The following RBFOX2 variants were observed in gnomAD, a reference collection of about 807,000 sequenced individuals.
RBFOX2 encodes the protein RNA binding fox-1 homolog 2.
A neutral mutation model predicts 49.1 loss-of-function variants in RBFOX2; 10 were observed. That is an observed-to-expected ratio of 0.20 (90% CI 0.13 to 0.35). RBFOX2 has a LOEUF of 0.35. RBFOX2 is among the 10% of genes least tolerant of loss of function. RBFOX2 has a pLI of 1.00. For missense variants in RBFOX2, 323 were observed against 486.9 expected, an observed-to-expected ratio of 0.66 and a Z score of 3.17; for synonymous variants, 183 against 187.4, an observed-to-expected ratio of 0.98 and a Z score of 0.19.
chr22:35,854,950 TTTTCTTGATATGGTC>T (rs1192908063), intron 1 of RBFOX2, among the ~76,000 whole-genome samples: 1 of 152,150 alleles, frequency 6.6e-6, no homozygotes, highest in African/African-American at 2.4e-5. Flanking sequence ...TTTCTCTCTC[TTTTCTTGATATGGTC>T]TTTCTTCAGA....
At chr22:35,925,971 C>T (rs2051583520) in intron 1 of RBFOX2, among the ~76,000 whole-genome samples, 1 of 152,164 alleles carries the variant, frequency 6.6e-6, no homozygotes, top group African/African-American at 2.4e-5. Flanking sequence ...CTGTTGTATT[C>T]CCCTGTCTCT....
At chr22:35,788,919 T>C (rs756405232) in intron 2 of RBFOX2, among the ~76,000 whole-genome samples, 1 of 152,220 alleles carries the variant, frequency 6.6e-6, no homozygotes, top group Admixed American at 6.5e-5. Context: ...AGCTGTATTA[T>C]TGGATCTTCT....
intron 1 of RBFOX2, among the ~76,000 whole-genome samples, chr22:35,973,549 A>C (rs1308037128): frequency 3.3e-5 from 5 of 152,212 alleles, no homozygotes; most frequent in African/African-American, 7.2e-5. Context: ...AGCAAGTAAA[A>C]GGTTTGAGAT....
exon 12 of RBFOX2, chr22:35,739,280 G>A (rs1272506047): frequency 2.6e-5 from 4 of 152,488 alleles, no homozygotes; most frequent in Non-Finnish European, 5.9e-5. Flanking sequence ...GTGGGGAGAA[G>A]AGGAGAGGTT....
rs182801011 is a variant in RBFOX2, at chr22:36,011,541, A to C, written c.186+16699T>G. On this transcript the variant is annotated intron_variant, in intron 1 of 13. Coordinates refer to the RBFOX2 transcript ENST00000438146. ...CGAAATAATTTCCAAATAGAAAAGC[A>C]AAGCAAAGTGCAGAATAGTACGCAT... Among the ~76,000 whole-genome samples, 8 of 152,298 alleles carry C rather than the reference A, an allele frequency of 5.3e-5. No individual in the cohort carries two copies. The East Asian group carries it at 1.5e-3, about 29-fold the overall frequency.
At chr22:35,833,489 T>C (rs1266929299) in intron 1 of RBFOX2, among the ~76,000 whole-genome samples, 2 of 152,206 alleles carry the variant, frequency 1.3e-5, no homozygotes, top group Admixed American at 6.5e-5. Context: ...TGGGACTAAA[T>C]AGATCTCCAG....
At chr22:36,028,525 T>TGCCCCC (rs2059539202) in exon 1 of RBFOX2, 2 of 975,248 alleles carry the variant, frequency 2.1e-6, no homozygotes, top group African/African-American at 1.8e-5. Flanking sequence ...GGCGCGCGCC[T>TGCCCCC]GCCCCCGCCC....
intron 1 of RBFOX2, among the ~76,000 whole-genome samples, chr22:35,811,201 A>C (rs959565039): frequency 6.6e-6 from 1 of 152,128 alleles, no homozygotes; most frequent in Admixed American, 6.5e-5. Context: ...AAAAGTGATG[A>C]ACTGATTACA....
chr22:36,021,584 C>T (rs1890322873), intron 1 of RBFOX2, among the ~76,000 whole-genome samples: 1 of 152,088 alleles, frequency 6.6e-6, no homozygotes, highest in Admixed American at 6.6e-5. Flanking sequence ...TCAAAGCAAT[C>T]TGGCTATCCT....
At chr22:35,946,908 C>T (rs2054334905) in intron 1 of RBFOX2, among the ~76,000 whole-genome samples, 2 of 152,128 alleles carry the variant, frequency 1.3e-5, no homozygotes, top group African/African-American at 4.8e-5. Flanking sequence ...TATAACGAAG[C>T]TGGTCAAGCA....
chr22:35,990,924 C>T (rs1199872018), intron 1 of RBFOX2, among the ~76,000 whole-genome samples: 1 of 152,018 alleles, frequency 6.6e-6, no homozygotes, highest in Admixed American at 6.6e-5. Context: ...GAGAGAACAA[C>T]AGAATACTAA....
chr22:35,750,553 C>CT (rs1934517694), intron 9 of RBFOX2: 1 of 811,704 alleles, frequency 1.2e-6, no homozygotes, highest in Non-Finnish European at 2.1e-6. Flanking sequence ...TTTTGGAACT[C>CT]TGATAGCTGG....
At chr22:35,991,008 C>T (rs573348431) in intron 1 of RBFOX2, among the ~76,000 whole-genome samples, 48 of 152,006 alleles carry the variant, frequency 3.2e-4, no homozygotes, top group Non-Finnish European at 4.3e-4. Flanking sequence ...ACCTGTAGTC[C>T]CAGCTGCTTG....
chr22:35,981,723 A>G (rs931435826), intron 1 of RBFOX2, among the ~76,000 whole-genome samples: 12 of 152,124 alleles, frequency 7.9e-5, no homozygotes, highest in African/African-American at 2.9e-4. Flanking sequence ...TTGGAGGTCA[A>G]TCCCTTAGGA....
intron 1 of RBFOX2, among the ~76,000 whole-genome samples, chr22:35,949,391 G>A (rs2054663763): frequency 6.6e-6 from 1 of 152,072 alleles, no homozygotes; most frequent in Admixed American, 6.5e-5. Context: ...AATGCTTTTG[G>A]GTAAATATTC....
chr22:35,768,278 C>G lies in RBFOX2; in HGVS notation c.525G>C (p.Val175=), dbSNP rs192752889. 202 of 1,614,132 alleles carry G rather than the reference C, an allele frequency of 1.3e-4. No homozygotes were observed. The East Asian group carries it at 4.3e-3, about 34-fold the overall frequency. Residue 175 remains valine, a synonymous_variant, in exon 5 of 12, where the codon GTG becomes GTC. Transcript: ENST00000405409. ...GCACCTCGATTTTACGGCCCTCTAC[C>G]ACGGTGCCGTGTAATTTCTCCCTGG...
chr22:35,799,044 C>T (rs1476464246), intron 2 of RBFOX2, among the ~76,000 whole-genome samples: 3 of 152,130 alleles, frequency 2.0e-5, no homozygotes, highest in Non-Finnish European at 4.4e-5. Context: ...CCTTCCCCAC[C>T]ACTAGAAAGC....
chr22:35,774,913 TA>T (rs1943528258), intron 4 of RBFOX2, among the ~76,000 whole-genome samples: 1 of 152,222 alleles, frequency 6.6e-6, no homozygotes, highest in Non-Finnish European at 1.5e-5. Context: ...ATTGCTATCT[TA>T]GAGTTATTTT....
chr22:35,814,099 TA>T (rs1952470883), intron 1 of RBFOX2, among the ~76,000 whole-genome samples: 1 of 152,208 alleles, frequency 6.6e-6, no homozygotes, highest in Non-Finnish European at 1.5e-5. Context: ...CCACAGATAG[TA>T]ACAGAGGCGA....
Sources: gnomAD v4.1 joint callset for allele counts (sites outside exome capture counted in the v4.1 genomes callset) on GRCh38, gnomAD v4.1.1 for gene constraint, MANE v1.5 for transcripts, NCBI Gene and HGNC (gene_info 2026-07-23, HGNC 2026-07-21) for gene names.